The following ZFP64 variants were observed in gnomAD, a reference collection of about 807,000 sequenced individuals.
ZFP64 encodes the protein ZFP64 zinc finger protein.
Under a neutral mutation model 51.6 loss-of-function variants are expected in ZFP64, and 14 were observed. The ratio of observed to expected loss-of-function variants is 0.27; its 90% CI spans 0.18 to 0.42. ZFP64 has a LOEUF of 0.42. Among genes scored for constraint, ZFP64 ranks in the 10% least tolerant of loss-of-function variants. ZFP64 has a pLI of 1.00. For missense variants in ZFP64, 754 were observed against 906.8 expected (o/e 0.83, Z 2.16); for synonymous variants, 375 against 361.4 (o/e 1.04, Z -0.43).
chr20:52,110,742 G>A, intron 5 of ZFP64: 6 of 1,595,242 alleles, frequency 3.8e-6, no homozygotes, highest in Non-Finnish European at 5.2e-6. Flanking sequence ...CAGTACATGG[G>A]ACTGGGTTCT....
chr20:52,134,889 G>C (rs569727354), intron 5 of ZFP64, among the ~76,000 whole-genome samples: 1 of 152,038 alleles, frequency 6.6e-6, no homozygotes, highest in Admixed American at 6.6e-5. Context: ...TTGAAATGGG[G>C]TCTCACTCTG....
At chr20:52,136,628 A>C (rs553103231) in intron 5 of ZFP64, among the ~76,000 whole-genome samples, 16 of 152,308 alleles carry the variant, frequency 1.1e-4, no homozygotes, top group African/African-American at 3.8e-4. Flanking sequence ...AAAATTCATA[A>C]TCATAAAGAA....
intron 5 of ZFP64, among the ~76,000 whole-genome samples, chr20:52,156,410 G>T (rs1981325150): frequency 6.6e-6 from 1 of 152,214 alleles, no homozygotes; most frequent in Non-Finnish European, 1.5e-5. Context: ...CCTCGGTCAT[G>T]ACCATGCGGT....
chr20:52,180,359 C>A (rs905896283), intron 2 of ZFP64, among the ~76,000 whole-genome samples: 8 of 152,138 alleles, frequency 5.3e-5, no homozygotes, highest in Admixed American at 5.2e-4. Flanking sequence ...CTCTAGTTCA[C>A]TGCCCTTGGA....
At chr20:52,174,482 CAAAAA>C (rs386393988) in intron 2 of ZFP64, among the ~76,000 whole-genome samples, 5 of 56,026 alleles carry the variant, frequency 8.9e-5, no homozygotes, top group Non-Finnish European at 1.7e-4. Context: ...GGCTCCATCT[CAAAAA>C]AAAAAAAAAA....
chr20:52,136,096 C>CAAAAAAAAAAAAAAAAAAA (rs71192597), intron 5 of ZFP64, among the ~76,000 whole-genome samples: 5 of 38,034 alleles, frequency 1.3e-4, no homozygotes, highest in Non-Finnish European at 1.8e-4. Flanking sequence ...GAGACTCTCT[C>CAAAAAAAAAAAAAAAAAAA]AAAAAAAAAA....
intron 5 of ZFP64, among the ~76,000 whole-genome samples, chr20:52,155,327 A>C: frequency 6.6e-6 from 1 of 152,220 alleles, no homozygotes; most frequent in East Asian, 1.9e-4. Context: ...GACGTGTCAA[A>C]TTTTAATACA....
At chr20:52,103,645 C>A (rs2079077262) in intron 5 of ZFP64, among the ~76,000 whole-genome samples, 1 of 152,188 alleles carries the variant, frequency 6.6e-6, no homozygotes, top group Non-Finnish European at 1.5e-5. Flanking sequence ...CTCAGCAATT[C>A]TCTTCTATAA....
chr20:52,163,773 C>CA (rs1982018161), intron 4 of ZFP64, among the ~76,000 whole-genome samples: 1 of 146,244 alleles, frequency 6.8e-6, no homozygotes, highest in Admixed American at 7.0e-5. Context: ...TATTTGAATA[C>CA]AAGCATATAA....
intron 5 of ZFP64, among the ~76,000 whole-genome samples, chr20:52,131,303 A>G (rs1979713319): frequency 6.6e-6 from 1 of 151,990 alleles, no homozygotes; most frequent in Admixed American, 6.6e-5. Context: ...AAGCAAGAAA[A>G]GAAGAAAGAA....
At chr20:52,118,608 T>C (rs935782570) in intron 5 of ZFP64, among the ~76,000 whole-genome samples, 1 of 152,244 alleles carries the variant, frequency 6.6e-6, no homozygotes, top group Non-Finnish European at 1.5e-5. Context: ...CCTGAAGCTA[T>C]TCATTTGTTT....
chr20:52,108,535 T>C (rs1297096145), intron 5 of ZFP64, among the ~76,000 whole-genome samples: 2 of 151,618 alleles, frequency 1.3e-5, no homozygotes, highest in Non-Finnish European at 2.9e-5. Flanking sequence ...TGAGACGAAG[T>C]TTCACTCTTG....
At position 52,143,510 on chromosome 20, in the gene ZFP64, T is replaced by G. The variant is rs1054731806; in HGVS notation, c.763+16613A>C. Among the ~76,000 whole-genome samples, 8 of 142,654 alleles carry G rather than the reference T, an allele frequency of 5.6e-5. 1 individual carries two copies. Among genetic ancestry groups the G allele is most frequent in the African/African-American group, 2.0e-4 (8 of 39,884 alleles). 93.6% of individuals were successfully genotyped at this position (142,654 alleles called of 152,430 possible). A position where few individuals can be genotyped will look rare whatever the true frequency, so the allele number is the denominator to read the frequency against. ...CTTCTATAGAGGTTAGTGCTCTTTA[T>G]TGTTGTTTTTGAGCTATTTTACGAC... On this transcript the variant is annotated intron_variant, in intron 5 of 8. Transcript: ENST00000361387.
chr20:52,149,395 T>C (rs1037471721), downstream of ZFP64, among the ~76,000 whole-genome samples: 1 of 152,062 alleles, frequency 6.6e-6, no homozygotes, highest in Non-Finnish European at 1.5e-5. Flanking sequence ...CTGGCATGTC[T>C]CTAACACTTA....
At chr20:52,108,736 T>C (rs1008834103) in intron 5 of ZFP64, among the ~76,000 whole-genome samples, 4 of 151,966 alleles carry the variant, frequency 2.6e-5, no homozygotes, top group Non-Finnish European at 5.9e-5. Context: ...TCTCGAACCC[T>C]GGCCTCAAGC....
chr20:52,149,417 T>C (rs931820337), downstream of ZFP64, among the ~76,000 whole-genome samples: 2 of 152,242 alleles, frequency 1.3e-5, no homozygotes, highest in South Asian at 4.1e-4. Context: ...TTAAAAAAAC[T>C]AGGTCTAGTT....
intron 5 of ZFP64, among the ~76,000 whole-genome samples, chr20:52,127,476 G>A (rs926904855): frequency 6.6e-6 from 1 of 152,152 alleles, no homozygotes; most frequent in Non-Finnish European, 1.5e-5. Context: ...CACAAGAGCT[G>A]ACGGTTTTAT....
At chr20:52,157,770 T>C (rs553660399) in intron 5 of ZFP64, among the ~76,000 whole-genome samples, 5 of 152,304 alleles carry the variant, frequency 3.3e-5, no homozygotes, top group Admixed American at 3.3e-4. Context: ...TGCTGACCCA[T>C]CAACCCGTCA....
At chr20:52,097,418 C>T (rs759784994) in exon 7 of ZFP64, 5 of 1,611,080 alleles carry the variant, frequency 3.1e-6, no homozygotes, top group South Asian at 2.2e-5. Context: ...ATGCCATGGA[C>T]AGTTTTGAAG....
Sources: gnomAD v4.1 joint callset for allele counts (sites outside exome capture counted in the v4.1 genomes callset) on GRCh38, gnomAD v4.1.1 for gene constraint, MANE v1.5 for transcripts, NCBI Gene and HGNC (gene_info 2026-07-23, HGNC 2026-07-21) for gene names.